The following MERTK variants were observed in gnomAD, a reference collection of about 807,000 sequenced individuals.
The protein encoded by MERTK is tyrosine-protein kinase Mer.
A neutral mutation model predicts 99.3 loss-of-function variants in MERTK; 69 were observed. The ratio of observed to expected loss-of-function variants is 0.70; its 90% CI spans 0.57 to 0.85. MERTK has a LOEUF of 0.85. Ranked by LOEUF, MERTK falls within the 40% of genes least tolerant of loss-of-function variation. MERTK has a pLI of 0.00. For synonymous variants in MERTK, 426 were observed against 467.6 expected (o/e 0.91, Z 1.15); for missense variants, 1,125 against 1,249.4 (o/e 0.90, Z 1.50).
chr2:111,998,964 A>G (rs1357653479), intron 10 of MERTK, among the ~76,000 whole-genome samples: 1 of 152,214 alleles, frequency 6.6e-6, no homozygotes, highest in Non-Finnish European at 1.5e-5. Flanking sequence ...GCTCATTTTT[A>G]AATGAAAATA....
At position 111,928,327 on chromosome 2, in the gene MERTK, G is replaced by A. The variant is rs188014645; in HGVS notation, c.62-793G>A. Among the ~76,000 whole-genome samples the A allele has an allele frequency of 1.5e-3, 221 of 144,594 alleles. 3 individuals carry two copies. In the South Asian group the frequency reaches 0.028, roughly 18 times the overall value. The allele number at this position is 144,594 out of a possible 152,430, so 94.9% of individuals were successfully genotyped here. On this transcript the variant is annotated intron_variant, in intron 1 of 18. Transcript: ENST00000295408. ...CACAGCCTTGATCTCCTGGGCTCAA[G>A]CGATCCTCCTTCCTCAGCCCCCCAA...
intron 1 of MERTK, among the ~76,000 whole-genome samples, chr2:111,900,835 A>G (rs1379654298): frequency 6.6e-6 from 1 of 152,212 alleles, no homozygotes; most frequent in Non-Finnish European, 1.5e-5. Context: ...TGAAGAAATT[A>G]AACATGGAAA....
chr2:111,947,322 T>G (rs970819055), intron 3 of MERTK, 72 bp from the exon 4 acceptor site: 20 of 1,523,102 alleles, frequency 1.3e-5, no homozygotes, highest in Admixed American at 1.7e-5. Flanking sequence ...CTAGTCCAGT[T>G]TCCATTCCCC....
intron 16 of MERTK, among the ~76,000 whole-genome samples, chr2:112,020,812 C>T (rs55792453): frequency 0.23 from 35,188 of 151,844 alleles, 4,427 homozygotes; most frequent in South Asian, 0.32. Context: ...TGCTATGCTG[C>T]GTCTCCATGT....
At chr2:111,925,275 G>GATAGATATATATATATATATATAT (rs1684534577) in intron 1 of MERTK, among the ~76,000 whole-genome samples, 2 of 52,188 alleles carry the variant, frequency 3.8e-5, no homozygotes, top group African/African-American at 9.5e-5. Context: ...GTACAGATCA[G>GATAGATATATATATATATATATAT]ATATATATAT....
intron 8 of MERTK, 149 bp from the exon 9 acceptor site, chr2:111,994,102 A>G (rs1024455792): frequency 2.1e-5 from 20 of 957,918 alleles, no homozygotes; most frequent in Non-Finnish European, 3.3e-5. Context: ...TCCATTGGCC[A>G]TGGCCTGAGT....
intron 16 of MERTK, chr2:112,020,581 A>C (rs931807974): frequency 2.1e-6 from 1 of 470,726 alleles, no homozygotes; most frequent in Non-Finnish European, 4.4e-6. Context: ...GTAGCCCTTT[A>C]ATTTCTCATT....
chr2:111,908,382 AC>A (rs1238377246), intron 1 of MERTK, among the ~76,000 whole-genome samples: 1 of 152,020 alleles, frequency 6.6e-6, no homozygotes, highest in Non-Finnish European at 1.5e-5. Flanking sequence ...AGGTAATAAA[AC>A]TCGCCTGTGT....
In MERTK at chr2:111,898,607, A is replaced by G. The variant is rs1176871681; in HGVS notation, c.-129A>G. 2.2e-5 allele frequency: 23 copies of G among 1,038,344 alleles called. No individual in the cohort carries two copies. The highest frequency in any genetic ancestry group is 3.2e-5 in the Non-Finnish European group (23 of 710,660). The allele number at this position is 1,038,344 out of a possible 1,614,324, so 64.3% of individuals were successfully genotyped here. On this transcript the variant is annotated 5_prime_UTR_variant, in exon 1 of 19. Transcript: ENST00000295408. ...CTCCCGCCGGCCGCTTGGCTCCGCC[A>G]CTCGGCACTCACTGCCCGGGCCGCC...
intron 1 of MERTK, among the ~76,000 whole-genome samples, chr2:111,910,722 A>G (rs1684230773): frequency 6.6e-6 from 1 of 152,086 alleles, no homozygotes; most frequent in Non-Finnish European, 1.5e-5. Context: ...TGGTTAATTA[A>G]AACAAGCCAG....
chr2:111,930,777 G>A (rs1012962784), intron 2 of MERTK, among the ~76,000 whole-genome samples: 2 of 152,216 alleles, frequency 1.3e-5, no homozygotes, highest in Admixed American at 6.5e-5. Context: ...CAGCTGTCAT[G>A]TCTCAGAATG....
At chr2:111,989,607 G>A (rs533413875) in intron 8 of MERTK, among the ~76,000 whole-genome samples, 30 of 152,190 alleles carry the variant, frequency 2.0e-4, no homozygotes, top group Admixed American at 6.5e-4. Flanking sequence ...CACCCGCCTC[G>A]GCCTCCCAAA....
chr2:112,018,218 ATTATTTT>A (rs1472893874), intron 15 of MERTK, among the ~76,000 whole-genome samples: 4 of 152,204 alleles, frequency 2.6e-5, no homozygotes, highest in Non-Finnish European at 5.9e-5. Context: ...CTGCTATACA[ATTATTTT>A]TTAAGTGACT....
chr2:112,014,221 C>T (rs1168168475), intron 15 of MERTK, among the ~76,000 whole-genome samples: 1 of 152,076 alleles, frequency 6.6e-6, no homozygotes, highest in Non-Finnish European at 1.5e-5. Context: ...CGGGGTTTCA[C>T]TGTTTTAGCC....
chr2:111,957,286 A>G (rs1685167348), intron 4 of MERTK, among the ~76,000 whole-genome samples: 1 of 152,096 alleles, frequency 6.6e-6, no homozygotes, highest in South Asian at 2.1e-4. Context: ...AAGTCAGATC[A>G]TATCAGCCCT....
At chr2:112,003,056 A>G (rs747966758) in intron 11 of MERTK, 36 bp from the exon 12 acceptor site, 1 of 937,666 alleles carries the variant, frequency 1.1e-6, no homozygotes, top group Admixed American at 1.7e-5. Flanking sequence ...AAACACGCTG[A>G]CAATTTTTGT....
chr2:111,974,026 T>G (rs1676182094), intron 6 of MERTK, among the ~76,000 whole-genome samples: 1 of 147,276 alleles, frequency 6.8e-6, no homozygotes, highest in African/African-American at 2.5e-5. Flanking sequence ...AGAATCTACA[T>G]TTCCTGTGTG....
intron 2 of MERTK, among the ~76,000 whole-genome samples, chr2:111,937,755 T>C (rs1684789446): frequency 6.6e-6 from 1 of 152,348 alleles, no homozygotes; most frequent in Non-Finnish European, 1.5e-5. Context: ...CCTGATACTT[T>C]CTGACTTGCG....
At chr2:112,019,633 CG>C in intron 16 of MERTK, 111 bp downstream of exon 16, 3 of 840,434 alleles carry the variant, frequency 3.6e-6, no homozygotes, top group Admixed American at 1.8e-5. Context: ...CTGCAGTCAG[CG>C]GGGGATGGTG....
Sources: gnomAD v4.1 joint callset for allele counts (sites outside exome capture counted in the v4.1 genomes callset) on GRCh38, gnomAD v4.1.1 for gene constraint, MANE v1.5 for transcripts, NCBI Gene and HGNC (gene_info 2026-07-23, HGNC 2026-07-21) for gene names.